LIN7A: variants seen among roughly 807,000 people sequenced by gnomAD.
LIN7A encodes lin-7 cell polarity scaffold A.
A neutral mutation model predicts 29.8 loss-of-function variants in LIN7A; 25 were observed. The ratio of observed to expected loss-of-function variants is 0.84; its 90% CI spans 0.61 to 1.17. LIN7A has a LOEUF of 1.17. LIN7A is among the 50% of genes most tolerant of loss of function. LIN7A has a pLI of 0.00. For synonymous variants in LIN7A, 118 were observed against 107.5 expected (o/e 1.10, Z -0.60); for missense variants, 239 against 287.0 (o/e 0.83, Z 1.21).
intron 2 of LIN7A, among the ~76,000 whole-genome samples, chr12:80,881,391 C>A (rs1199077150): frequency 6.6e-6 from 1 of 152,132 alleles, no homozygotes; most frequent in Admixed American, 6.6e-5. Flanking sequence ...GAGATATGCA[C>A]AAACATAATG....
At chr12:80,871,049 A>T (rs1327895549) in intron 2 of LIN7A, among the ~76,000 whole-genome samples, 1 of 152,220 alleles carries the variant, frequency 6.6e-6, no homozygotes, top group Non-Finnish European at 1.5e-5. Flanking sequence ...TCATAAAAGT[A>T]GTAACTGCTA....
chr12:80,803,162 T>G (rs1870801561), intron 5 of LIN7A, among the ~76,000 whole-genome samples: 1 of 152,228 alleles, frequency 6.6e-6, no homozygotes, highest in Non-Finnish European at 1.5e-5. Flanking sequence ...CTATTTTTAC[T>G]TTTGTTGCCT....
chr12:80,842,828 T>C (rs1872884731), intron 4 of LIN7A, among the ~76,000 whole-genome samples: 1 of 152,272 alleles, frequency 6.6e-6, no homozygotes, highest in South Asian at 2.1e-4. Flanking sequence ...ATATTAGGCA[T>C]TGTTAAAGAG....
At chr12:80,881,028 C>T (rs1056291376) in intron 2 of LIN7A, among the ~76,000 whole-genome samples, 5 of 152,174 alleles carry the variant, frequency 3.3e-5, no homozygotes, top group Admixed American at 2.0e-4. Context: ...TTCTAGAGTA[C>T]TTGAAATGAT....
At position 80,823,810 on chromosome 12, in the gene LIN7A, C is replaced by T. The variant is rs1163324776; in HGVS notation, c.484-12127G>A. ...ACAATGAAATCAAGATGGAAATTTACAAATCTTTGAACTGAATAATAATAG... is the reference window on the plus strand; with the variant it reads ...ACAATGAAATCAAGATGGAAATTTATAAATCTTTGAACTGAATAATAATAG... On this transcript the variant is annotated intron_variant, in intron 4 of 5. Transcript: ENST00000552864. Among the ~76,000 whole-genome samples the T allele has an allele frequency of 2.6e-5, 4 of 152,278 alleles. No homozygotes were observed. In the East Asian group the frequency reaches 7.7e-4, roughly 29 times the overall value.
intron 4 of LIN7A, among the ~76,000 whole-genome samples, chr12:80,812,277 A>G (rs913368410): frequency 2.7e-5 from 3 of 111,768 alleles, no homozygotes; most frequent in African/African-American, 1.3e-4. Flanking sequence ...TGCTAAATAT[A>G]ACAGATTAAT....
At chr12:80,891,572 G>A (rs907167034) in intron 1 of LIN7A, among the ~76,000 whole-genome samples, 8 of 152,132 alleles carry the variant, frequency 5.3e-5, no homozygotes, top group African/African-American at 1.9e-4. Context: ...AGGAGACAGT[G>A]GTGAAGGAGA....
intron 4 of LIN7A, among the ~76,000 whole-genome samples, chr12:80,829,104 G>A (rs1284631919): frequency 1.3e-5 from 2 of 152,128 alleles, no homozygotes; most frequent in African/African-American, 4.8e-5. Flanking sequence ...GTGGGACAAA[G>A]CATAATTTTG....
intron 1 of LIN7A, among the ~76,000 whole-genome samples, chr12:80,899,419 C>G (rs1160888350): frequency 6.6e-6 from 1 of 152,118 alleles, no homozygotes; most frequent in African/African-American, 2.4e-5. Flanking sequence ...TTATGTGTAT[C>G]AAGGGTGTTG....
intron 1 of LIN7A, among the ~76,000 whole-genome samples, chr12:80,907,950 C>T (rs968308950): frequency 6.6e-6 from 1 of 151,910 alleles, no homozygotes. Flanking sequence ...TTGAAGCTAC[C>T]CCAATGATAA....
chr12:80,910,631 A>T lies in LIN7A; in HGVS notation c.83-21262T>A, dbSNP rs564222532. Among the ~76,000 whole-genome samples, 12 of 152,282 alleles carry T rather than the reference A, an allele frequency of 7.9e-5. No individual in the cohort carries two copies. In the South Asian group the frequency reaches 2.5e-3, roughly 32 times the overall value. On this transcript the variant is annotated intron_variant, in intron 1 of 5. Coordinates refer to ENST00000552864, the MANE Select transcript of LIN7A (RefSeq NM_004664.4). The stretch of plus-strand genomic sequence containing the variant: ...AAATGCTTTTTCTACACCTATTGAG[A>T]TGATGATATGATTTTTGTTATGGTA...
chr12:80,874,479 T>C (rs1287130568), intron 2 of LIN7A, among the ~76,000 whole-genome samples: 2 of 152,216 alleles, frequency 1.3e-5, no homozygotes, highest in Non-Finnish European at 2.9e-5. Flanking sequence ...TTTACATTGT[T>C]TCTTGAAAAC....
chr12:80,842,518 T>C lies in LIN7A; in HGVS notation c.483+3212A>G, dbSNP rs369741947. On this transcript the variant is annotated intron_variant, in intron 4 of 5. Transcript: ENST00000552864. The stretch of plus-strand genomic sequence containing the variant: ...TAATTTCTCAGTTTAGAATGGCATG[T>C]TCTGAAAATCTTCCATATTTAATCT... Among the ~76,000 whole-genome samples the C allele has an allele frequency of 1.4e-4, 22 of 152,312 alleles. No individual in the cohort carries two copies. The East Asian group carries it at 3.9e-3, about 27-fold the overall frequency.
chr12:80,829,505 T>C (rs1872242029), intron 4 of LIN7A, among the ~76,000 whole-genome samples: 1 of 152,178 alleles, frequency 6.6e-6, no homozygotes, highest in Non-Finnish European at 1.5e-5. Flanking sequence ...AATCCATGTT[T>C]TCAAGGAATA....
At chr12:80,864,125 C>T (rs1437272909) in intron 2 of LIN7A, among the ~76,000 whole-genome samples, 1 of 152,042 alleles carries the variant, frequency 6.6e-6, no homozygotes, top group Non-Finnish European at 1.5e-5. Flanking sequence ...AAGTTACACT[C>T]ATAAGTTTAA....
intron 2 of LIN7A, among the ~76,000 whole-genome samples, chr12:80,857,678 G>A (rs1307564332): frequency 6.6e-6 from 1 of 152,138 alleles, no homozygotes; most frequent in Non-Finnish European, 1.5e-5. Flanking sequence ...GCCAATTTCT[G>A]TGAAAATGGT....
chr12:80,825,567 A>C (rs368091748), intron 4 of LIN7A, among the ~76,000 whole-genome samples: 2 of 152,318 alleles, frequency 1.3e-5, no homozygotes, highest in South Asian at 4.1e-4. Context: ...ACAGGGCTGA[A>C]GCTAGGGGGT....
At chr12:80,931,416 G>A (rs933910888) in intron 1 of LIN7A, among the ~76,000 whole-genome samples, 5 of 152,086 alleles carry the variant, frequency 3.3e-5, no homozygotes, top group African/African-American at 9.7e-5. Context: ...TGAGGCACGC[G>A]CATCACCTGA....
intron 5 of LIN7A, among the ~76,000 whole-genome samples, chr12:80,802,861 G>GT (rs1253031318): frequency 6.6e-6 from 1 of 151,880 alleles, no homozygotes; most frequent in Non-Finnish European, 1.5e-5. Context: ...CCTCACTGTG[G>GT]TTTTAATTTG....
Sources: gnomAD v4.1 joint callset for allele counts (sites outside exome capture counted in the v4.1 genomes callset) on GRCh38, gnomAD v4.1.1 for gene constraint, MANE v1.5 for transcripts, NCBI Gene and HGNC (gene_info 2026-07-23, HGNC 2026-07-21) for gene names.